Variants in REPS2 observed in about 807,000 individuals in gnomAD.
REPS2 encodes the protein ralBP1-associated Eps domain-containing protein 2.
In REPS2, 23 loss-of-function variants were observed where a neutral mutation model predicts 53.6. That is an observed-to-expected ratio of 0.43 (90% CI 0.31 to 0.61). REPS2 has a LOEUF of 0.61. REPS2 is among the 20% of genes least tolerant of loss of function. The pLI is 0.11. For missense variants in REPS2, 446 were observed against 534.9 expected, an observed-to-expected ratio of 0.83 and a Z score of 1.64; for synonymous variants, 238 against 218.6, an observed-to-expected ratio of 1.09 and a Z score of -0.78.
In REPS2 at chrX:17,138,960, A is replaced by G; in HGVS notation, c.1913A>G (p.Lys638Arg). The G allele has an allele frequency of 8.6e-7, 1 of 1,164,550 alleles. No homozygotes were observed. Among genetic ancestry groups the G allele is most frequent in the Non-Finnish European group, 1.2e-6 (1 of 868,169 alleles). Reference protein sequence around the residue: ...RLNSELQQQLKEVHQERIALE... With the variant: ...RLNSELQQQLREVHQERIALE... The stretch of plus-strand genomic sequence containing the variant: ...AACAGTGAGCTCCAGCAGCAGCTCA[A>G]GGTAAGGAATGAGTCCCAGATTTGG... Residue 638 changes from lysine (K) to arginine (R), a missense_variant and splice_region_variant, in exon 17 of 18, where the codon AAG (lysine) becomes AGG (arginine). Physicochemically the swap from Lys to Arg is conservative, Grantham distance 26. Coordinates refer to ENST00000357277, the MANE Select transcript of REPS2 (RefSeq NM_004726.3).
At chrX:17,159,614 C>T in the REPS2 span, among the ~76,000 whole-genome samples, 1 of 111,734 alleles carries the variant, frequency 8.9e-6, no homozygotes, top group African/African-American at 3.3e-5. Flanking sequence ...CTCACTCCAT[C>T]ATCTATACGT....
At chrX:17,036,557 G>T (rs1466186846) in intron 5 of REPS2, among the ~76,000 whole-genome samples, 1 of 111,671 alleles carries the variant, frequency 9.0e-6, no homozygotes, top group Non-Finnish European at 1.9e-5. Context: ...TGAGGCTCTC[G>T]AAGGAGGTTA....
chrX:16,971,264 C>T (rs960043840), intron 1 of REPS2, among the ~76,000 whole-genome samples: 4 of 112,238 alleles, frequency 3.6e-5, no homozygotes, highest in African/African-American at 9.7e-5. Flanking sequence ...TGTCTTTTCA[C>T]GTGCTTATTG....
chrX:17,085,307 G>A (rs1735795274), intron 13 of REPS2, among the ~76,000 whole-genome samples: 2 of 111,871 alleles, frequency 1.8e-5, no homozygotes, highest in Non-Finnish European at 3.8e-5. Context: ...ATTGCGAAGC[G>A]TGAGTCCTCC....
chrX:17,029,416 G>T, intron 4 of REPS2, 110 bp from the exon 5 acceptor site: 1 of 536,836 alleles, frequency 1.9e-6, no homozygotes, highest in South Asian at 2.8e-5. Context: ...TGAGTATTCT[G>T]TTGCCAGTTC....
At chrX:17,190,816 C>G in the REPS2 span, among the ~76,000 whole-genome samples, 1 of 112,123 alleles carries the variant, frequency 8.9e-6, no homozygotes, top group Non-Finnish European at 1.9e-5. Flanking sequence ...TTAACCTACT[C>G]AAATACAGTC....
chrX:17,077,747 C>T (rs2062401867), intron 13 of REPS2, among the ~76,000 whole-genome samples: 1 of 112,551 alleles, frequency 8.9e-6, no homozygotes, highest in South Asian at 3.7e-4. Flanking sequence ...AGATAGATCG[C>T]TGTCTGTCAT....
Position 16,964,516 on chromosome X carries a change from T to G in REPS2, c.273+17382T>G, listed in dbSNP as rs754155700. 6.9e-3 allele frequency among the ~76,000 whole-genome samples: 759 copies of G among 110,029 alleles called. 9 individuals carry two copies. Among genetic ancestry groups the G allele is most frequent in the African/African-American group, 0.024 (734 of 30,174 alleles). ...CTATTCTACAAAACCGCCATTGTCA[T>G]CATGGCCCGTTCTCAATGAGCTGTT... On this transcript the variant is annotated intron_variant, in intron 1 of 17. Coordinates refer to ENST00000357277, the MANE Select transcript of REPS2 (RefSeq NM_004726.3).
intron 14 of REPS2, among the ~76,000 whole-genome samples, chrX:17,126,270 C>A (rs2063209107): frequency 9.0e-6 from 1 of 111,209 alleles, no homozygotes; most frequent in Non-Finnish European, 1.9e-5. Flanking sequence ...ATACTCTAAG[C>A]CAAAGCGAGA....
chrX:17,002,233 G>A (rs2061316638), intron 1 of REPS2, among the ~76,000 whole-genome samples: 1 of 111,049 alleles, frequency 9.0e-6, no homozygotes, highest in Non-Finnish European at 1.9e-5. Flanking sequence ...GAGAGAGAAT[G>A]TGTGTGAGTT....
intron 5 of REPS2, among the ~76,000 whole-genome samples, chrX:17,031,000 GGCCAGTACA>G (rs1399910571): frequency 8.9e-6 from 1 of 112,028 alleles, no homozygotes; most frequent in Non-Finnish European, 1.9e-5. Context: ...TTGCTCCCAG[GGCCAGTACA>G]GCTCAGTTTT....
intron 13 of REPS2, among the ~76,000 whole-genome samples, chrX:17,079,974 A>G (rs1217357913): frequency 8.9e-6 from 1 of 112,220 alleles, no homozygotes; most frequent in East Asian, 2.8e-4. Context: ...TAAACCTACC[A>G]GAAGAGTCTA....
chrX:16,964,506 G>T (rs1301572459), intron 1 of REPS2, among the ~76,000 whole-genome samples: 1 of 108,435 alleles, frequency 9.2e-6, no homozygotes, highest in Non-Finnish European at 1.9e-5. Flanking sequence ...CTACAAAACC[G>T]CCATTGTCAT....
the REPS2 span, among the ~76,000 whole-genome samples, chrX:17,183,242 T>A: frequency 8.9e-6 from 1 of 112,359 alleles, no homozygotes; most frequent in Non-Finnish European, 1.9e-5. Flanking sequence ...ATGCTGGATT[T>A]ATGTTTTATC....
rs112531049 is a variant in REPS2 at position 16,989,541 on chromosome X, G to A, written c.274-16680G>A. ...GGAAATATTTGCAAACTACGTATCC[G>A]ACAAAGGACTGGCATCTAGAATATA... is the stretch of plus-strand genomic sequence containing the variant. On this transcript the variant is annotated intron_variant, in intron 1 of 17. Transcript: ENST00000357277. Among the ~76,000 whole-genome samples, 612 of 111,816 alleles carry A rather than the reference G, an allele frequency of 5.5e-3. 5 individuals are homozygous for A. The highest frequency in any genetic ancestry group is 0.019 in the African/African-American group (586 of 30,813).
rs1467020784 is a variant in REPS2 at position 17,150,330 on chromosome X, A to C, written c.*2849A>C. The C allele has an allele frequency of 8.9e-6, 1 of 112,377 alleles. No individual in the cohort carries two copies. The highest frequency in any genetic ancestry group is 2.8e-4 in the East Asian group (1 of 3,572). The allele number at this position is 112,377 out of a possible 1,213,427, so 9.3% of individuals were successfully genotyped here. A position where few individuals can be genotyped will look rare whatever the true frequency, so the allele number is the denominator to read the frequency against. On this transcript the variant is annotated 3_prime_UTR_variant, in exon 18 of 18. Transcript: ENST00000357277. Reference sequence around the variant, plus strand: ...CAGAAGGTCAATGTTGTCCCCATCCATAGGGGTTGAATTACCTTGCTGTTA... The same window carrying C: ...CAGAAGGTCAATGTTGTCCCCATCCCTAGGGGTTGAATTACCTTGCTGTTA...
At chrX:17,147,047 T>C (rs892183401) in intron 17 of REPS2, among the ~76,000 whole-genome samples, 5 of 112,067 alleles carry the variant, frequency 4.5e-5, no homozygotes, top group African/African-American at 6.5e-5. Flanking sequence ...GTTGGCTCAC[T>C]GCTCAGTATT....
chrX:17,083,879 G>GT (rs998637263), intron 13 of REPS2, among the ~76,000 whole-genome samples: 4 of 108,593 alleles, frequency 3.7e-5, no homozygotes, highest in East Asian at 2.8e-4. Context: ...GTTTTGTTTT[G>GT]TTTTTTTGTT....
At chrX:17,043,277 T>G (rs2061858517) in intron 5 of REPS2, among the ~76,000 whole-genome samples, 1 of 111,390 alleles carries the variant, frequency 9.0e-6, no homozygotes, top group African/African-American at 3.3e-5. Context: ...TCCTAAGGCC[T>G]TTCTAGGTTT....
Sources: allele counts gnomAD v4.1 joint callset (sites outside exome capture counted in the v4.1 genomes callset), GRCh38; gene constraint gnomAD v4.1.1; transcripts MANE v1.5; gene names NCBI Gene and HGNC (gene_info 2026-07-23, HGNC 2026-07-21).